UBTD1: variants seen among roughly 807,000 people sequenced by gnomAD.
UBTD1 encodes ubiquitin domain containing 1.
Under a neutral mutation model 21.7 loss-of-function variants are expected in UBTD1, and 19 were observed. The observed-to-expected ratio is 0.87, with a 90% CI of 0.61 to 1.28. UBTD1 has a LOEUF of 1.28. Among genes scored for constraint, UBTD1 ranks in the 50% most tolerant of loss-of-function variants. The pLI is 0.00. For missense variants in UBTD1, 282 were observed against 315.1 expected, an observed-to-expected ratio of 0.89 and a Z score of 0.80; for synonymous variants, 116 against 135.1, an observed-to-expected ratio of 0.86 and a Z score of 0.98.
In UBTD1 at chr10:97,499,257, C is replaced by T. The variant is rs567004378; in HGVS notation, c.54C>T (p.His18=). 4.0e-5 allele frequency: 62 copies of T among 1,548,470 alleles called. No homozygotes were observed. In the South Asian group the frequency reaches 5.7e-4, roughly 14 times the overall value. ...GGGAGAGGCCGGCAGCCCCGGGACA[C>T]CCCCGCAAGCGAGCAGGTAACGATG... ...QRRERPAAPG[H]PRKRAGRNEP... Residue 18 remains histidine (H), a synonymous_variant, in exon 1 of 3, where the codon CAC becomes CAT. Coordinates refer to ENST00000370664, the MANE Select transcript of UBTD1 (RefSeq NM_024954.5).
At chr10:97,569,608 G>A (rs1264825086) in intron 2 of UBTD1, among the ~76,000 whole-genome samples, 1 of 152,214 alleles carries the variant, frequency 6.6e-6, no homozygotes, top group Admixed American at 6.5e-5. Flanking sequence ...CACATGCTGG[G>A]TGACTTAATC....
chr10:97,521,581 C>T (rs1285205276), intron 1 of UBTD1, among the ~76,000 whole-genome samples: 1 of 152,250 alleles, frequency 6.6e-6, no homozygotes, highest in Admixed American at 6.5e-5. Flanking sequence ...CTGCCATAGC[C>T]TGGTAGAGGC....
chr10:97,561,571 G>A (rs1278579712), intron 1 of UBTD1, among the ~76,000 whole-genome samples: 1 of 152,062 alleles, frequency 6.6e-6, no homozygotes, highest in Non-Finnish European at 1.5e-5. Context: ...AAGAGAACAG[G>A]GCAGAGAGTT....
At chr10:97,504,592 A>G (rs2135653111) in intron 1 of UBTD1, among the ~76,000 whole-genome samples, 1 of 152,096 alleles carries the variant, frequency 6.6e-6, no homozygotes, top group South Asian at 2.1e-4. Flanking sequence ...ATTTTGTTCC[A>G]TTGCTTATGT....
At chr10:97,510,454 C>T (rs2040418997) in intron 1 of UBTD1, among the ~76,000 whole-genome samples, 1 of 152,136 alleles carries the variant, frequency 6.6e-6, no homozygotes, top group Non-Finnish European at 1.5e-5. Flanking sequence ...TTTGAGGCCT[C>T]AGTTTTCTTA....
chr10:97,535,009 C>G (rs2040553330), intron 1 of UBTD1, among the ~76,000 whole-genome samples: 1 of 152,240 alleles, frequency 6.6e-6, no homozygotes, highest in South Asian at 2.1e-4. Context: ...GCCCACACTC[C>G]TCTTTGCCTG....
chr10:97,524,561 G>A (rs2040480040), intron 1 of UBTD1, among the ~76,000 whole-genome samples: 1 of 152,204 alleles, frequency 6.6e-6, no homozygotes. Flanking sequence ...TCTCATTGAT[G>A]CTCTGCTCAC....
intron 1 of UBTD1, among the ~76,000 whole-genome samples, chr10:97,558,611 A>G (rs2040676303): frequency 1.3e-5 from 2 of 151,270 alleles, no homozygotes; most frequent in African/African-American, 4.9e-5. Context: ...TTGTCAAGTC[A>G]GGTAGCCTCA....
intron 1 of UBTD1, among the ~76,000 whole-genome samples, chr10:97,555,755 AT>A (rs2040660955): frequency 6.6e-6 from 1 of 152,208 alleles, no homozygotes; most frequent in African/African-American, 2.4e-5. Flanking sequence ...GAATCTATGA[AT>A]GACATCGGTT....
At chr10:97,517,327 C>T (rs927992796) in intron 1 of UBTD1, among the ~76,000 whole-genome samples, 1 of 152,014 alleles carries the variant, frequency 6.6e-6, no homozygotes, top group African/African-American at 2.4e-5. Flanking sequence ...GTGGTGGTGG[C>T]TGAGGGTGGA....
chr10:97,517,569 G>A (rs904301126), intron 1 of UBTD1, among the ~76,000 whole-genome samples: 1 of 152,150 alleles, frequency 6.6e-6, no homozygotes, highest in African/African-American at 2.4e-5. Flanking sequence ...GGGAAGTCTC[G>A]TGCGGATGCA....
At chr10:97,508,483 G>C (rs2040408368) in intron 1 of UBTD1, among the ~76,000 whole-genome samples, 1 of 152,200 alleles carries the variant, frequency 6.6e-6, no homozygotes. Flanking sequence ...TGGATTGCCA[G>C]TGGTTATGAT....
chr10:97,534,090 C>T (rs527618993), intron 1 of UBTD1, among the ~76,000 whole-genome samples: 5 of 152,288 alleles, frequency 3.3e-5, no homozygotes, highest in South Asian at 4.1e-4. Context: ...CAGCTTCTGC[C>T]GCCTTCCCCT....
intron 1 of UBTD1, among the ~76,000 whole-genome samples, chr10:97,545,290 G>C (rs1465624803): frequency 7.3e-5 from 11 of 151,320 alleles, no homozygotes; most frequent in Middle Eastern, 3.4e-3. Flanking sequence ...GCAGTGAGTT[G>C]AGATCCGCCA....
chr10:97,517,143 G>T (rs1373876288), intron 1 of UBTD1, among the ~76,000 whole-genome samples: 1 of 152,152 alleles, frequency 6.6e-6, no homozygotes. Flanking sequence ...GAGTGGAAGG[G>T]CAAGAGGTAT....
intron 1 of UBTD1, among the ~76,000 whole-genome samples, chr10:97,549,273 CT>C (rs1013352884): frequency 6.6e-6 from 1 of 152,234 alleles, no homozygotes; most frequent in Non-Finnish European, 1.5e-5. Context: ...CACTCCCTTT[CT>C]TTCTGCCTCT....
intron 2 of UBTD1, among the ~76,000 whole-genome samples, chr10:97,569,723 C>T (rs1468108476): frequency 1.5e-4 from 23 of 152,066 alleles, no homozygotes; most frequent in Admixed American, 1.4e-3. Context: ...TGCAGGTGTC[C>T]GTCTTCTTGC....
intron 2 of UBTD1, among the ~76,000 whole-genome samples, chr10:97,569,442 G>GAAGAAGTGAAAAATAAT (rs1333238164): frequency 1.3e-5 from 2 of 152,206 alleles, no homozygotes; most frequent in Admixed American, 6.5e-5. Context: ...AATATGCCAG[G>GAAGAAGTGAAAAATAAT]ATGAACAAGC....
At chr10:97,541,403 A>G (rs1354116021) in intron 1 of UBTD1, among the ~76,000 whole-genome samples, 2 of 152,200 alleles carry the variant, frequency 1.3e-5, no homozygotes, top group South Asian at 2.1e-4. Flanking sequence ...GCTTGAGCGC[A>G]GGAGGTCAAG....
Sources: gnomAD v4.1 joint callset for allele counts (sites outside exome capture counted in the v4.1 genomes callset) on GRCh38, gnomAD v4.1.1 for gene constraint, MANE v1.5 for transcripts, NCBI Gene and HGNC (gene_info 2026-07-23, HGNC 2026-07-21) for gene names.